SMYD3: variants seen among roughly 807,000 people sequenced by gnomAD.
SMYD3 encodes the protein SET and MYND domain containing 3.
In SMYD3, 36 loss-of-function variants were observed where a neutral mutation model predicts 57.7. That is an observed-to-expected ratio of 0.62 (90% CI 0.48 to 0.82). The LOEUF (loss-of-function observed/expected upper bound fraction) is 0.82, where lower values mean the gene tolerates loss of function less well. Among genes scored for constraint, SMYD3 ranks in the 40% least tolerant of loss-of-function variants. SMYD3 has a pLI of 0.00. For missense variants in SMYD3, 515 were observed against 538.8 expected, an observed-to-expected ratio of 0.96 and a Z score of 0.44; for synonymous variants, 211 against 195.0, an observed-to-expected ratio of 1.08 and a Z score of -0.68.
chr1:245,980,990 C>A lies in SMYD3; in HGVS notation c.532-51053G>T, dbSNP rs139251922. On this transcript the variant is annotated intron_variant, in intron 5 of 11. Transcript: ENST00000490107. Reference sequence around the variant, plus strand: ...AGCAGTTCTAAGAAAGACGGTATAGCCCAGAAAGCCTAAATCATTCACTAT... The same window carrying A: ...AGCAGTTCTAAGAAAGACGGTATAGACCAGAAAGCCTAAATCATTCACTAT... Among the ~76,000 whole-genome samples, 622 of 152,292 alleles carry A rather than the reference C, an allele frequency of 4.1e-3. 3 individuals are homozygous for A. The highest frequency in any genetic ancestry group is 0.014 in the African/African-American group (578 of 41,562).
intron 5 of SMYD3, among the ~76,000 whole-genome samples, chr1:246,265,445 C>T (rs757572502): frequency 2.6e-5 from 4 of 151,942 alleles, no homozygotes; most frequent in East Asian, 1.9e-4. Context: ...AGTTCTGCTT[C>T]GTTTTTTTTG....
At chr1:246,498,975 T>TA (rs954894956) in intron 1 of SMYD3, among the ~76,000 whole-genome samples, 9 of 151,630 alleles carry the variant, frequency 5.9e-5, no homozygotes, top group African/African-American at 2.2e-4. Context: ...TTTTTTTTTT[T>TA]AACAAGATGA....
At chr1:246,461,537 C>T (rs1028173534) in intron 1 of SMYD3, among the ~76,000 whole-genome samples, 1 of 151,712 alleles carries the variant, frequency 6.6e-6, no homozygotes, top group African/African-American at 2.4e-5. Context: ...TTTTCAAAAA[C>T]ATATACTTGC....
In SMYD3 at chr1:246,186,942, A is replaced by T. The variant is rs139203055; in HGVS notation, c.531+140259T>A. The T allele has an allele frequency of 3.0e-6, 3 of 985,148 alleles. No homozygotes were observed. In the East Asian group the frequency reaches 3.4e-4, roughly 112 times the overall value. The allele number at this position is 985,148 out of a possible 1,614,324, so 61.0% of individuals were successfully genotyped here. ...TCTCACGGAACAACTTTTCGCTGTG[A>T]CTGAAGAGATGAAATGTAAAATGAG... is the stretch of plus-strand genomic sequence containing the variant. On this transcript the variant is annotated intron_variant, in intron 5 of 11. Transcript: ENST00000490107.
chr1:246,112,725 T>C (rs2061266495), intron 5 of SMYD3, among the ~76,000 whole-genome samples: 1 of 152,244 alleles, frequency 6.6e-6, no homozygotes. Flanking sequence ...GCTACACTAA[T>C]GTACTTTTAA....
intron 5 of SMYD3, among the ~76,000 whole-genome samples, chr1:246,060,377 T>C (rs545970152): frequency 2.0e-5 from 3 of 152,176 alleles, no homozygotes; most frequent in African/African-American, 4.8e-5. Context: ...AAACAGCTAA[T>C]TGAAAAGTTC....
chr1:245,979,341 G>A (rs1039597867), intron 5 of SMYD3, among the ~76,000 whole-genome samples: 16 of 152,164 alleles, frequency 1.1e-4, no homozygotes, highest in Admixed American at 9.8e-4. Context: ...TTATGTTGAA[G>A]TCTTAACCCC....
chr1:246,196,707 G>T (rs2148346901), intron 5 of SMYD3, among the ~76,000 whole-genome samples: 1 of 152,226 alleles, frequency 6.6e-6, no homozygotes, highest in East Asian at 1.9e-4. Context: ...AACATTTACA[G>T]AAATAGTTGC....
chr1:246,143,126 T>TACAC (rs370332515), intron 5 of SMYD3, among the ~76,000 whole-genome samples: 11,599 of 145,988 alleles, frequency 0.079, 536 homozygotes, highest in Non-Finnish European at 0.11. Flanking sequence ...GTATATTTAA[T>TACAC]ACACACACAC....
At chr1:245,907,306 T>A (rs951502920) in intron 8 of SMYD3, among the ~76,000 whole-genome samples, 3 of 152,220 alleles carry the variant, frequency 2.0e-5, no homozygotes, top group African/African-American at 4.8e-5. Flanking sequence ...TGCATCCTTG[T>A]ATCAAAACAT....
At chr1:246,017,100 A>C (rs1394516171) in intron 5 of SMYD3, among the ~76,000 whole-genome samples, 1 of 152,216 alleles carries the variant, frequency 6.6e-6, no homozygotes, top group Non-Finnish European at 1.5e-5. Context: ...CTTCTGATAC[A>C]TACTGTTGCC....
At chr1:246,041,873 G>C in intron 5 of SMYD3, among the ~76,000 whole-genome samples, 1 of 151,830 alleles carries the variant, frequency 6.6e-6, no homozygotes, top group East Asian at 1.9e-4. Context: ...TGTATTCCTA[G>C]ATGAAACTAC....
At position 245,821,225 on chromosome 1, in the gene SMYD3, T is replaced by C. The variant is rs867288388; in HGVS notation, c.1076+37271A>G. ...TATAGATCAATGGAACAGAACAGAG[T>C]CCTCAGAAATAACGCCACATATCTA... On this transcript the variant is annotated intron_variant, in intron 10 of 11. Coordinates refer to ENST00000490107, the MANE Select transcript of SMYD3 (RefSeq NM_001167740.2). Among the ~76,000 whole-genome samples the C allele has an allele frequency of 8.9e-4, 133 of 149,492 alleles. 3 individuals are homozygous for C. Among genetic ancestry groups the C allele is most frequent in the East Asian group, 6.1e-4 (3 of 4,890 alleles).
At chr1:246,481,611 CAT>C (rs2068105177) in intron 1 of SMYD3, among the ~76,000 whole-genome samples, 4 of 35,396 alleles carry the variant, frequency 1.1e-4, no homozygotes, top group African/African-American at 4.9e-4. Context: ...TATATATACA[CAT>C]ACATATATAC....
In SMYD3 at chr1:246,260,134, C is replaced by T. The variant is rs115557159; in HGVS notation, c.531+67067G>A. Among the ~76,000 whole-genome samples the T allele has an allele frequency of 2.4e-3, 373 of 152,292 alleles. 1 individual carries two copies. Among genetic ancestry groups the T allele is most frequent in the African/African-American group, 8.2e-3 (340 of 41,554 alleles). On this transcript the variant is annotated intron_variant, in intron 5 of 11. Coordinates refer to ENST00000490107, the MANE Select transcript of SMYD3 (RefSeq NM_001167740.2). ...TCTGCACGGGAAGGATGGAGCAGCT[C>T]GGGCTACTGACCCAAGTAAGCTTGT... is the stretch of plus-strand genomic sequence containing the variant.
At chr1:245,772,845 A>G (rs2046390299) in intron 10 of SMYD3, among the ~76,000 whole-genome samples, 1 of 152,220 alleles carries the variant, frequency 6.6e-6, no homozygotes, top group Non-Finnish European at 1.5e-5. Context: ...GGAAAGCAGT[A>G]GATAAATTAG....
intron 5 of SMYD3, among the ~76,000 whole-genome samples, chr1:246,164,190 G>A (rs1398895571): frequency 1.3e-5 from 2 of 152,184 alleles, no homozygotes; most frequent in African/African-American, 4.8e-5. Context: ...GGAGGCCAAG[G>A]CAGGCAGATT....
rs1450357023 is a variant in SMYD3 at position 246,033,216 on chromosome 1, T to C, written c.532-103279A>G. ...CACACCATGGAATACTAATTGGTAATAAAAAAAAAACTAGGGATAAGGGCA... is the reference window on the plus strand; with the variant it reads ...CACACCATGGAATACTAATTGGTAACAAAAAAAAAACTAGGGATAAGGGCA... On this transcript the variant is annotated intron_variant, in intron 5 of 11. Coordinates refer to ENST00000490107, the MANE Select transcript of SMYD3 (RefSeq NM_001167740.2). Among the ~76,000 whole-genome samples the C allele has an allele frequency of 4.8e-5, 7 of 145,826 alleles. 1 individual carries two copies. In the East Asian group the frequency reaches 9.9e-4, roughly 21 times the overall value.
At chr1:246,327,672 T>C (rs2065378592) in intron 4 of SMYD3, among the ~76,000 whole-genome samples, 1 of 152,210 alleles carries the variant, frequency 6.6e-6, no homozygotes, top group Non-Finnish European at 1.5e-5. Context: ...AATTATCAGT[T>C]CTTATTAAGT....
Sources: gnomAD v4.1 joint callset for allele counts (sites outside exome capture counted in the v4.1 genomes callset) on GRCh38, gnomAD v4.1.1 for gene constraint, MANE v1.5 for transcripts, NCBI Gene and HGNC (gene_info 2026-07-23, HGNC 2026-07-21) for gene names.